PXDNL: variants seen among roughly 807,000 people sequenced by gnomAD.
PXDNL encodes the protein probable oxidoreductase PXDNL.
Under a neutral mutation model 150.8 loss-of-function variants are expected in PXDNL, and 145 were observed. That is an observed-to-expected ratio of 0.96 (90% CI 0.84 to 1.10). The LOEUF (loss-of-function observed/expected upper bound fraction) is 1.10. PXDNL is among the 50% of genes least tolerant of loss of function. The pLI is 0.00. For missense variants in PXDNL, 2,087 were observed against 1,873.9 expected, an observed-to-expected ratio of 1.11 and a Z score of -2.10; for synonymous variants, 757 against 725.7, an observed-to-expected ratio of 1.04 and a Z score of -0.69.
intron 4 of PXDNL, among the ~76,000 whole-genome samples, chr8:51,525,129 A>G (rs1811741934): frequency 6.6e-6 from 1 of 152,070 alleles, no homozygotes. Flanking sequence ...TTAAAAAAAA[A>G]AAATCTCTTT....
At chr8:51,504,510 C>T (rs141953792) in intron 4 of PXDNL, among the ~76,000 whole-genome samples, 1 of 152,166 alleles carries the variant, frequency 6.6e-6, no homozygotes, top group East Asian at 1.9e-4. Context: ...GACCTGTTTT[C>T]AGATCTTACT....
intron 6 of PXDNL, among the ~76,000 whole-genome samples, chr8:51,482,542 AG>A (rs935369071): frequency 3.4e-5 from 5 of 148,262 alleles, no homozygotes; most frequent in African/African-American, 1.3e-4. Flanking sequence ...GGGAGGGGCC[AG>A]GGGCGGAATG....
chr8:51,570,042 T>C (rs185659404), intron 3 of PXDNL, among the ~76,000 whole-genome samples: 125 of 152,086 alleles, frequency 8.2e-4, no homozygotes, highest in African/African-American at 2.8e-3. Flanking sequence ...TTAGTTACAG[T>C]GTTTACACCC....
intron 8 of PXDNL, among the ~76,000 whole-genome samples, chr8:51,462,326 C>T (rs1244960428): frequency 6.6e-6 from 1 of 152,082 alleles, no homozygotes; most frequent in African/African-American, 2.4e-5. Flanking sequence ...AAATGACAGA[C>T]ATAAAATTCA....
chr8:51,435,757 C>T (rs913406434), intron 12 of PXDNL: 2 of 393,870 alleles, frequency 5.1e-6, no homozygotes, highest in Non-Finnish European at 1.0e-5. Flanking sequence ...GCCCCGTTTG[C>T]AAGGGGGAGT....
chr8:51,412,155 G>A (rs1445647723), intron 15 of PXDNL, among the ~76,000 whole-genome samples: 1 of 152,172 alleles, frequency 6.6e-6, no homozygotes, highest in African/African-American at 2.4e-5. Flanking sequence ...GAAGCAAACT[G>A]TTTTAGAGAC....
intron 10 of PXDNL, 23 bp downstream of exon 10, chr8:51,453,496 A>G: frequency 1.2e-6 from 2 of 1,609,860 alleles, no homozygotes; most frequent in South Asian, 1.1e-5. Flanking sequence ...GAACATTTCA[A>G]TCATGACCTT....
intron 1 of PXDNL, among the ~76,000 whole-genome samples, chr8:51,796,345 CAA>C (rs774369352): frequency 8.4e-6 from 1 of 119,128 alleles, no homozygotes; most frequent in Non-Finnish European, 1.8e-5. Flanking sequence ...CAACAACAAC[CAA>C]AAAAAAAAAA....
intron 8 of PXDNL, among the ~76,000 whole-genome samples, chr8:51,469,410 C>T (rs1349506273): frequency 3.3e-5 from 5 of 151,918 alleles, no homozygotes; most frequent in South Asian, 2.1e-4. Context: ...TCAAATGTTG[C>T]GTTTAGCTCA....
chr8:51,680,241 T>G (rs1815712824), intron 1 of PXDNL, among the ~76,000 whole-genome samples: 1 of 152,180 alleles, frequency 6.6e-6, no homozygotes, highest in African/African-American at 2.4e-5. Flanking sequence ...GTGTGGTGCC[T>G]GGATGTGGGG....
intron 3 of PXDNL, among the ~76,000 whole-genome samples, chr8:51,581,240 T>G (rs144418552): frequency 5.3e-4 from 81 of 152,132 alleles, no homozygotes; most frequent in African/African-American, 1.6e-3. Context: ...TAAAAGCATA[T>G]GCTTGGGAGG....
At chr8:51,365,368 C>T (rs10110989) in intron 19 of PXDNL, among the ~76,000 whole-genome samples, 50 of 152,340 alleles carry the variant, frequency 3.3e-4, no homozygotes, top group African/African-American at 1.2e-3. Context: ...TGGAGAAATA[C>T]ATCACATCAG....
At chr8:51,327,392 T>A (rs1028259243) in intron 21 of PXDNL, among the ~76,000 whole-genome samples, 2 of 152,254 alleles carry the variant, frequency 1.3e-5, no homozygotes, top group African/African-American at 4.8e-5. Context: ...AAGTGTCTTT[T>A]CACTGGGAGC....
At chr8:51,673,089 A>G (rs1815533884) in intron 1 of PXDNL, among the ~76,000 whole-genome samples, 1 of 152,220 alleles carries the variant, frequency 6.6e-6, no homozygotes, top group African/African-American at 2.4e-5. Context: ...TTCTTCAAAT[A>G]TTAGAAAGTA....
chr8:51,333,479 G>A (rs182104015), intron 21 of PXDNL, among the ~76,000 whole-genome samples: 279 of 152,270 alleles, frequency 1.8e-3, no homozygotes, highest in African/African-American at 6.5e-3. Context: ...CACAATGAAT[G>A]CAACAGTACC....
At chr8:51,760,129 C>CA (rs975382235) in intron 1 of PXDNL, among the ~76,000 whole-genome samples, 5 of 152,170 alleles carry the variant, frequency 3.3e-5, no homozygotes, top group African/African-American at 1.2e-4. Flanking sequence ...GGAAGTCCAT[C>CA]AAAAACTGAT....
intron 8 of PXDNL, among the ~76,000 whole-genome samples, chr8:51,465,232 T>C (rs927850829): frequency 2.6e-5 from 4 of 152,154 alleles, no homozygotes; most frequent in Admixed American, 6.5e-5. Flanking sequence ...ATTCCTGAGA[T>C]ACAAAGTTGT....
intron 1 of PXDNL, among the ~76,000 whole-genome samples, chr8:51,736,481 G>C (rs1817040787): frequency 6.6e-6 from 1 of 152,196 alleles, no homozygotes; most frequent in Admixed American, 6.5e-5. Flanking sequence ...TGGTTCAACA[G>C]GGTACAGCCA....
At chr8:51,523,217 T>TACTA (rs1811698472) in intron 4 of PXDNL, among the ~76,000 whole-genome samples, 1 of 152,252 alleles carries the variant, frequency 6.6e-6, no homozygotes, top group Non-Finnish European at 1.5e-5. Context: ...AGTAGGATTT[T>TACTA]TAAGTGATAT....
Sources: allele counts gnomAD v4.1 joint callset (sites outside exome capture counted in the v4.1 genomes callset), GRCh38; gene constraint gnomAD v4.1.1; transcripts MANE v1.5; gene names NCBI Gene and HGNC (gene_info 2026-07-23, HGNC 2026-07-21).